TNS1: variants seen among roughly 807,000 people sequenced by gnomAD.
TNS1 encodes tensin 1, also known as tensin-1.
TNS1 carries 62 observed loss-of-function variants against 168.6 expected under a neutral mutation model. The observed-to-expected ratio is 0.37, with a 90% CI of 0.30 to 0.45. TNS1 has a LOEUF of 0.45. Among genes scored for constraint, TNS1 ranks in the 20% least tolerant of loss-of-function variants. TNS1 has a pLI of 1.00. For synonymous variants in TNS1, 934 were observed against 933.2 expected, an observed-to-expected ratio of 1.00 and a Z score of -0.02; for missense variants, 2,240 against 2,339.4, an observed-to-expected ratio of 0.96 and a Z score of 0.88.
intron 3 of TNS1, among the ~76,000 whole-genome samples, chr2:217,946,926 T>A (rs1182068925): frequency 6.8e-6 from 1 of 147,692 alleles, no homozygotes; most frequent in Admixed American, 6.7e-5. Context: ...CCCAGTGTCA[T>A]TTCCACCATC....
chr2:217,909,199 G>A (rs1954068045), intron 4 of TNS1, among the ~76,000 whole-genome samples: 1 of 151,534 alleles, frequency 6.6e-6, no homozygotes, highest in Non-Finnish European at 1.5e-5. Flanking sequence ...GTGGAGACCT[G>A]AGGTTGGGCA....
intron 3 of TNS1, among the ~76,000 whole-genome samples, chr2:217,952,997 T>C (rs1957278516): frequency 6.6e-6 from 1 of 152,204 alleles, no homozygotes; most frequent in Non-Finnish European, 1.5e-5. Context: ...ACGTCAACCC[T>C]AGACAGGGCT....
intron 18 of TNS1, among the ~76,000 whole-genome samples, chr2:217,866,236 G>T (rs183605160): frequency 6.6e-6 from 1 of 152,220 alleles, no homozygotes; most frequent in Non-Finnish European, 1.5e-5. Flanking sequence ...ATTCTAAGGG[G>T]TGATTTTGGA....
At chr2:217,869,404 G>A (rs1574886788) in intron 18 of TNS1, among the ~76,000 whole-genome samples, 1 of 152,370 alleles carries the variant, frequency 6.6e-6, no homozygotes, top group African/African-American at 2.4e-5. Flanking sequence ...ATTTGGAATA[G>A]TCCAGAAAGA....
intron 22 of TNS1, chr2:217,830,325 C>T (rs751706017): frequency 4.3e-6 from 7 of 1,613,180 alleles, no homozygotes; most frequent in South Asian, 2.2e-5. Flanking sequence ...TGCCCAGCTG[C>T]GTGGCTTCAT....
chr2:217,960,955 GCA>G (rs1957480984), intron 3 of TNS1, among the ~76,000 whole-genome samples: 1 of 152,082 alleles, frequency 6.6e-6, no homozygotes, highest in East Asian at 1.9e-4. Flanking sequence ...AAAACAACTG[GCA>G]CCCAGGGAAG....
chr2:218,030,737 C>T (rs1958885001), intron 1 of TNS1, among the ~76,000 whole-genome samples: 1 of 152,228 alleles, frequency 6.6e-6, no homozygotes, highest in Non-Finnish European at 1.5e-5. Context: ...ACTGAGGACG[C>T]CCCCTCTGGT....
intron 1 of TNS1, among the ~76,000 whole-genome samples, chr2:218,000,192 T>G (rs1427682420): frequency 6.6e-6 from 1 of 152,242 alleles, no homozygotes; most frequent in Non-Finnish European, 1.5e-5. Context: ...ATAAAGTGAT[T>G]TTTATTCCTA....
At chr2:217,951,388 A>G (rs1186223731) in intron 3 of TNS1, among the ~76,000 whole-genome samples, 1 of 152,156 alleles carries the variant, frequency 6.6e-6, no homozygotes, top group Admixed American at 6.5e-5. Context: ...GTGTTTCCCA[A>G]TTGACATACT....
At chr2:218,000,318 G>A (rs528878322) in intron 1 of TNS1, among the ~76,000 whole-genome samples, 3 of 152,334 alleles carry the variant, frequency 2.0e-5, no homozygotes, top group Admixed American at 2.0e-4. Flanking sequence ...TAGGGCACAA[G>A]AACTATCTCA....
At chr2:218,010,866 C>G (rs1451128102), upstream of TNS1, among the ~76,000 whole-genome samples, 1 of 152,236 alleles carries the variant, frequency 6.6e-6, no homozygotes, top group Non-Finnish European at 1.5e-5. Context: ...AGACACATCC[C>G]TGTTCCAGGC....
At chr2:218,010,023 A>C in intron 1 of TNS1, 1 of 291,466 alleles carries the variant, frequency 3.4e-6, no homozygotes, top group Non-Finnish European at 5.9e-6. Context: ...TGCCCAGGAG[A>C]CTGCGGGAGG....
intron 3 of TNS1, among the ~76,000 whole-genome samples, chr2:217,946,990 C>T (rs961978245): frequency 6.6e-6 from 1 of 151,564 alleles, no homozygotes; most frequent in Non-Finnish European, 1.5e-5. Flanking sequence ...CACACACACA[C>T]ACACAGTAAA....
chr2:217,994,005 G>A (rs1191054123), intron 1 of TNS1, among the ~76,000 whole-genome samples: 2 of 152,208 alleles, frequency 1.3e-5, no homozygotes, highest in Admixed American at 1.3e-4. Flanking sequence ...GCTAGAAGTG[G>A]GGACTGCGGA....
chr2:217,982,475 T>C (rs1958080738), intron 2 of TNS1, among the ~76,000 whole-genome samples: 1 of 151,390 alleles, frequency 6.6e-6, no homozygotes, highest in African/African-American at 2.4e-5. Flanking sequence ...ACAATCTCAG[T>C]TCACTGCAAT....
rs575526664 is a variant in TNS1 at position 217,999,358 on chromosome 2, C to T, written c.33+3482G>A. On this transcript the variant is annotated intron_variant, in intron 1 of 32. Transcript: ENST00000682258. Reference sequence around the variant, plus strand: ...ATGTGTGGATTAGCTCATTCAAAACCGAACAACCCTATAGGTAGGTGGGGA... The same window carrying T: ...ATGTGTGGATTAGCTCATTCAAAACTGAACAACCCTATAGGTAGGTGGGGA... 3.0e-4 allele frequency among the ~76,000 whole-genome samples: 45 copies of T among 152,272 alleles called. No individual in the cohort carries two copies. In the South Asian group the frequency reaches 7.5e-3, roughly 25 times the overall value.
Position 217,815,018 on chromosome 2 carries a change from G to A in TNS1, c.4643-20C>T, listed in dbSNP as rs763169182. 1 of 1,600,430 alleles carries A rather than the reference G, an allele frequency of 6.2e-7. No individual in the cohort carries two copies. Among genetic ancestry groups the A allele is most frequent in the African/African-American group, 1.3e-5 (1 of 74,798 alleles). ...TGTTGTCTAAAGCAGGAGAAGGGAA[G>A]AAAGTGTTATGGGTTAAATTGTGTT... On this transcript the variant is annotated intron_variant, in intron 24 of 32. Transcript: ENST00000682258.
intron 12 of TNS1, chr2:217,890,390 G>A (rs1410116970): frequency 1.3e-5 from 2 of 152,634 alleles, no homozygotes; most frequent in African/African-American, 4.8e-5. Context: ...TGTTCACCCA[G>A]ATATCTCAGT....
intron 3 of TNS1, among the ~76,000 whole-genome samples, chr2:217,922,453 C>G (rs892549874): frequency 1.9e-4 from 29 of 152,156 alleles, no homozygotes; most frequent in African/African-American, 7.0e-4. Context: ...GGGCAGGGAC[C>G]GCGAGCCAGG....
Sources: allele counts gnomAD v4.1 joint callset (sites outside exome capture counted in the v4.1 genomes callset), GRCh38; gene constraint gnomAD v4.1.1; transcripts MANE v1.5; gene names NCBI Gene and HGNC (gene_info 2026-07-23, HGNC 2026-07-21).